ADAMTS9: variants seen among roughly 807,000 people sequenced by gnomAD.
ADAMTS9 encodes the protein A disintegrin and metalloproteinase with thrombospondin motifs 9.
ADAMTS9 carries 107 observed loss-of-function variants against 257.1 expected under a neutral mutation model. The observed-to-expected ratio is 0.42, with a 90% CI of 0.36 to 0.49. The LOEUF (loss-of-function observed/expected upper bound fraction) is 0.49, where lower values mean the gene tolerates loss of function less well. Ranked by LOEUF, ADAMTS9 falls within the 20% of genes least tolerant of loss-of-function variation. The pLI is 0.03. For missense variants in ADAMTS9, 2,353 were observed against 2,469.1 expected, an observed-to-expected ratio of 0.95 and a Z score of 1.00; for synonymous variants, 982 against 880.9, an observed-to-expected ratio of 1.11 and a Z score of -2.03.
At chr3:64,535,552 C>CTT (rs57945713) in intron 37 of ADAMTS9, among the ~76,000 whole-genome samples, 6 of 84,650 alleles carry the variant, frequency 7.1e-5, no homozygotes, top group African/African-American at 2.0e-4. Flanking sequence ...CTTTTCTTTT[C>CTT]TTTTTTTTTT....
chr3:64,642,472 C>G (rs772250530), intron 11 of ADAMTS9, among the ~76,000 whole-genome samples: 3 of 139,230 alleles, frequency 2.2e-5, no homozygotes, highest in Non-Finnish European at 3.0e-5. Context: ...TTACATGATT[C>G]TTATAAACAC....
intron 3 of ADAMTS9, among the ~76,000 whole-genome samples, chr3:64,675,745 T>C (rs1441100407): frequency 6.6e-6 from 1 of 152,188 alleles, no homozygotes; most frequent in African/African-American, 2.4e-5. Context: ...CTCTTCTTCC[T>C]GGCTGTGTGA....
In ADAMTS9 at chr3:64,606,902, G is replaced by A. The variant is rs7617295; in HGVS notation, c.3474+58C>T. 9,453 of 1,602,136 alleles carry A rather than the reference G, an allele frequency of 5.9e-3. 453 individuals are homozygous for A. In the African/African-American group the frequency reaches 0.11, roughly 18 times the overall value. ...GATTTCAATTTTGTCTAAACAGCTG[G>A]GCAGTTTGGTACCTTGGTCCCCAAA... On this transcript the variant is annotated intron_variant, in intron 23 of 39. Coordinates refer to ENST00000498707, the MANE Select transcript of ADAMTS9 (RefSeq NM_182920.2).
intron 19 of ADAMTS9, among the ~76,000 whole-genome samples, chr3:64,617,424 C>G (rs910119463): frequency 6.6e-6 from 1 of 152,114 alleles, no homozygotes; most frequent in Non-Finnish European, 1.5e-5. Flanking sequence ...AGCAGAGAAT[C>G]TTGAAGAGTC....
intron 28 of ADAMTS9, among the ~76,000 whole-genome samples, chr3:64,582,076 T>C (rs1464991142): frequency 6.6e-6 from 1 of 152,212 alleles, no homozygotes; most frequent in Non-Finnish European, 1.5e-5. Context: ...AAATGTTTTC[T>C]GACCCTCTGA....
chr3:64,616,250 AGAGTT>A (rs2084762345), intron 19 of ADAMTS9, 80 bp from the exon 20 acceptor site: 3 of 1,447,748 alleles, frequency 2.1e-6, no homozygotes, highest in African/African-American at 2.8e-5. Context: ...TATTCATAGA[AGAGTT>A]GAGTTCTTTT....
rs1034537825 is a variant in ADAMTS9 at position 64,655,888 on chromosome 3, T to A, written c.970-13A>T. 1 of 1,523,368 alleles carries A rather than the reference T, an allele frequency of 6.6e-7. No individual in the cohort carries two copies. The allele number at this position is 1,523,368 out of a possible 1,614,324, so 94.4% of individuals were successfully genotyped here. ...AGATAGAGGCTACCTGCAACCGAGA[T>A]AAATTTTTCAAAGTTAATTGTGAAC... is the stretch of plus-strand genomic sequence containing the variant. On this transcript the variant is annotated splice_polypyrimidine_tract_variant and intron_variant, in intron 4 of 39. Transcript: ENST00000498707.
rs765053224 is a variant in ADAMTS9, at chr3:64,658,711, C to T, written c.760G>A (p.Val254Ile). Residue 254 changes from valine (V) to isoleucine (I), a missense_variant, in exon 4 of 40, where the codon GTA (valine) becomes ATA (isoleucine). Physicochemically the swap from Val to Ile is conservative, Grantham distance 29. Transcript: ENST00000498707. ...WGERINLAGD[V>I]AALNSGLATE... ...GCTAAGCCGCTGTTTAATGCTGCTA[C>T]GTCACCAGCCAGGTTAATCCTTTCT... is the stretch of plus-strand genomic sequence containing the variant. 28 of 1,614,044 alleles carry T rather than the reference C, an allele frequency of 1.7e-5. No individual in the cohort carries two copies. Among genetic ancestry groups the T allele is most frequent in the African/African-American group, 4.0e-5 (3 of 74,918 alleles).
chr3:64,535,594 C>A (rs1423880377), intron 37 of ADAMTS9, among the ~76,000 whole-genome samples: 2 of 148,214 alleles, frequency 1.3e-5, no homozygotes, highest in African/African-American at 5.0e-5. Flanking sequence ...CACTCTGTCA[C>A]CTAGGCTGGA....
intron 36 of ADAMTS9, among the ~76,000 whole-genome samples, chr3:64,540,369 G>C (rs1451823839): frequency 1.3e-5 from 2 of 152,152 alleles, no homozygotes; most frequent in African/African-American, 2.4e-5. Flanking sequence ...AACATGTTGA[G>C]GTATTTTAGC....
chr3:64,613,474 G>T lies in ADAMTS9; in HGVS notation c.3225C>A (p.Arg1075=), dbSNP rs958254986. 6.2e-7 allele frequency: 1 copy of T among 1,613,894 alleles called. No individual in the cohort carries two copies. Among genetic ancestry groups the T allele is most frequent in the East Asian group, 2.2e-5 (1 of 44,842 alleles). The change falls in exon 22 of 40, where the codon CGC becomes CGA. Residue 1075 remains arginine (R), a synonymous_variant. Transcript: ENST00000498707. Reference sequence around the variant, plus strand: ...CTTCACCAAACTGACACCAGACCTGGCGGTGCTTATGCCCTTTTCCACAGG... The same window carrying T: ...CTTCACCAAACTGACACCAGACCTGTCGGTGCTTATGCCCTTTTCCACAGG... ...LVTCGKGHKH[R]QVWCQFGEDR... is the part of the protein sequence containing the mutation.
chr3:64,626,900 C>A (rs902289006), intron 16 of ADAMTS9, among the ~76,000 whole-genome samples: 4 of 152,072 alleles, frequency 2.6e-5, no homozygotes, highest in Non-Finnish European at 2.9e-5. Context: ...CAGCGCGAGA[C>A]CCATCAGCCA....
intron 28 of ADAMTS9, among the ~76,000 whole-genome samples, chr3:64,574,559 CAAA>C (rs34194727): frequency 7.4e-5 from 6 of 80,772 alleles, no homozygotes; most frequent in Admixed American, 3.9e-4. Context: ...CCCATCTCTA[CAAA>C]AAAAAAAAAA....
At chr3:64,656,144 A>G (rs1396200436) in intron 4 of ADAMTS9, 3 of 293,846 alleles carry the variant, frequency 1.0e-5, no homozygotes, top group Non-Finnish European at 1.9e-5. Context: ...TCTGTACCAG[A>G]ACACTGGATA....
At chr3:64,538,340 A>G (rs1434921888) in intron 37 of ADAMTS9, among the ~76,000 whole-genome samples, 4 of 152,260 alleles carry the variant, frequency 2.6e-5, no homozygotes, top group Admixed American at 2.0e-4. Flanking sequence ...TCTGACTACC[A>G]TTCAGGAACC....
chr3:64,608,791 G>A (rs1477706428), intron 22 of ADAMTS9, among the ~76,000 whole-genome samples: 1 of 151,196 alleles, frequency 6.6e-6, no homozygotes, highest in African/African-American at 2.4e-5. Flanking sequence ...ATTCTATGAG[G>A]CCAGTATTAC....
At chr3:64,580,666 T>C (rs1029707472) in intron 28 of ADAMTS9, among the ~76,000 whole-genome samples, 1 of 152,214 alleles carries the variant, frequency 6.6e-6, no homozygotes, top group African/African-American at 2.4e-5. Flanking sequence ...TTGAAAGCCA[T>C]TCAAAACTAA....
chr3:64,535,519 T>C (rs929300211), intron 37 of ADAMTS9, among the ~76,000 whole-genome samples: 10 of 151,758 alleles, frequency 6.6e-5, no homozygotes, highest in African/African-American at 2.4e-4. Context: ...TATGTTGCAT[T>C]ATTCCATTGG....
At chr3:64,647,831 T>G in intron 11 of ADAMTS9, 109 bp downstream of exon 11, 1 of 940,156 alleles carries the variant, frequency 1.1e-6, no homozygotes, top group Non-Finnish European at 1.6e-6. Context: ...TTATGCAAGC[T>G]AAAACAGACT....
Sources: gnomAD v4.1 joint callset for allele counts (sites outside exome capture counted in the v4.1 genomes callset) on GRCh38, gnomAD v4.1.1 for gene constraint, MANE v1.5 for transcripts, NCBI Gene and HGNC (gene_info 2026-07-23, HGNC 2026-07-21) for gene names.